TSHZ3: variants seen among roughly 807,000 people sequenced by gnomAD.
The protein encoded by TSHZ3 is teashirt zinc finger homeobox 3, also known as teashirt homolog 3.
A neutral mutation model predicts 64.5 loss-of-function variants in TSHZ3; 10 were observed. The ratio of observed to expected loss-of-function variants is 0.16; its 90% confidence interval spans 0.10 to 0.26. The LOEUF (loss-of-function observed/expected upper bound fraction) is 0.26, where lower values mean the gene tolerates loss of function less well. Among genes scored for constraint, TSHZ3 ranks in the 10% least tolerant of loss-of-function variants. The probability of loss-of-function intolerance (pLI) is 1.00; values close to 1 mark genes in which losing one functional copy is unlikely to be tolerated. For synonymous variants in TSHZ3, 608 were observed against 593.1 expected, an observed-to-expected ratio of 1.03 and a Z score of -0.36; for missense variants, 1,242 against 1,421.7, an observed-to-expected ratio of 0.87 and a Z score of 2.03.
intron 1 of TSHZ3, among the ~76,000 whole-genome samples, chr19:31,319,587 G>A (rs1212119173): frequency 2.0e-5 from 3 of 152,148 alleles, no homozygotes; most frequent in Non-Finnish European, 2.9e-5. Context: ...CTGCAGGACT[G>A]AGAGGCAGGC....
At chr19:31,304,086 T>G (rs912149860) in intron 1 of TSHZ3, among the ~76,000 whole-genome samples, 2 of 152,154 alleles carry the variant, frequency 1.3e-5, no homozygotes, top group Admixed American at 6.5e-5. Context: ...GTGATTGTTT[T>G]GCCTCAGCCT....
intron 1 of TSHZ3, among the ~76,000 whole-genome samples, chr19:31,315,330 C>A (rs1916571448): frequency 6.6e-6 from 1 of 152,246 alleles, no homozygotes; most frequent in Non-Finnish European, 1.5e-5. Flanking sequence ...CAGCCCCGCC[C>A]TGTCCCAAAG....
At position 31,266,447 on chromosome 19, in the gene TSHZ3, C is replaced by T. The variant is rs114482411; in HGVS notation, n.64-23572G>A. On this transcript the variant is annotated intron_variant and non_coding_transcript_variant, in intron 1 of 6. Transcript: ENST00000651361. The stretch of plus-strand genomic sequence containing the variant: ...CCACTTGAAGTCCTTGAATCAGGGG[C>T]GCCACTCCCTGAGGAATCTGAGAAG... Among the ~76,000 whole-genome samples, 960 of 152,090 alleles carry T rather than the reference C, an allele frequency of 6.3e-3. 9 individuals are homozygous for T. Among genetic ancestry groups the T allele is most frequent in the African/African-American group, 0.022 (905 of 41,474 alleles).
At chr19:31,222,707 T>C (rs1975407250) in intron 4 of TSHZ3, among the ~76,000 whole-genome samples, 1 of 152,232 alleles carries the variant, frequency 6.6e-6, no homozygotes, top group Admixed American at 6.5e-5. Context: ...AAATATTTGC[T>C]GAATTGAATG....
At chr19:31,335,427 A>G (rs545517123) in intron 1 of TSHZ3, among the ~76,000 whole-genome samples, 103 of 152,308 alleles carry the variant, frequency 6.8e-4, no homozygotes, top group African/African-American at 2.4e-3. Flanking sequence ...ATCCACCTGA[A>G]GCTCTCAAGC....
At chr19:31,183,992 A>T (rs1191547278) in intron 5 of TSHZ3, among the ~76,000 whole-genome samples, 5 of 152,172 alleles carry the variant, frequency 3.3e-5, no homozygotes, top group Non-Finnish European at 7.3e-5. Context: ...ATAATGATAA[A>T]GTCTCATAAA....
intron 1 of TSHZ3, among the ~76,000 whole-genome samples, chr19:31,298,841 C>T (rs1380151411): frequency 2.0e-5 from 3 of 152,108 alleles, no homozygotes; most frequent in African/African-American, 4.8e-5. Context: ...CCAGAATACA[C>T]GTTTAAAATG....
intron 4 of TSHZ3, among the ~76,000 whole-genome samples, chr19:31,226,998 A>ATTTTTTTTTTTTT (rs1975474786): frequency 5.4e-5 from 1 of 18,400 alleles, no homozygotes; most frequent in Non-Finnish European, 1.1e-4. Context: ...TTTTTTTTTG[A>ATTTTTTTTTTTTT]GATGGAATTT....
intron 4 of TSHZ3, among the ~76,000 whole-genome samples, chr19:31,218,878 C>T (rs1975365724): frequency 6.6e-6 from 1 of 152,128 alleles, no homozygotes; most frequent in African/African-American, 2.4e-5. Context: ...AGTGTCATGG[C>T]CCATTGGGAA....
At chr19:31,286,787 G>T (rs1361190369) in intron 1 of TSHZ3, among the ~76,000 whole-genome samples, 2 of 152,160 alleles carry the variant, frequency 1.3e-5, no homozygotes. Context: ...CTTCCAGGAG[G>T]GTCCAGCATC....
intron 5 of TSHZ3, among the ~76,000 whole-genome samples, chr19:31,195,114 A>G (rs1181653347): frequency 1.3e-5 from 2 of 152,156 alleles, no homozygotes; most frequent in African/African-American, 4.8e-5. Flanking sequence ...TATAAAAGGT[A>G]TAACATACAC....
intron 3 of TSHZ3, among the ~76,000 whole-genome samples, chr19:31,241,599 C>T (rs1343314533): frequency 1.3e-5 from 2 of 152,202 alleles, no homozygotes; most frequent in Non-Finnish European, 2.9e-5. Context: ...ACCACCTACA[C>T]ACCTCCCTTT....
chr19:31,345,373 C>T (rs1181132209), intron 1 of TSHZ3, among the ~76,000 whole-genome samples: 1 of 152,190 alleles, frequency 6.6e-6, no homozygotes, highest in Non-Finnish European at 1.5e-5. Flanking sequence ...AAAGCTCCTT[C>T]CTGGAGCTGC....
chr19:31,211,268 A>T (rs1479959481), intron 4 of TSHZ3, among the ~76,000 whole-genome samples: 3 of 152,194 alleles, frequency 2.0e-5, no homozygotes, highest in Non-Finnish European at 4.4e-5. Flanking sequence ...TCTCAGATTC[A>T]TTCAACATGC....
rs970747934 is a variant in TSHZ3 at position 31,319,894 on chromosome 19, G to GT, written c.40+29285dup. The stretch of plus-strand genomic sequence containing the variant: ...CTTAAGATGCAGCCCCCCTGAGAAA[G>GT]TAGCAATCGGCCCTTCCTTCCTAAT... On this transcript the variant is annotated intron_variant, in intron 1 of 1. Transcript: ENST00000240587. Among the ~76,000 whole-genome samples the GT allele has an allele frequency of 3.4e-3, 510 of 151,236 alleles. 2 individuals carry two copies. The highest frequency in any genetic ancestry group is 0.012 in the African/African-American group (480 of 41,162).
intron 1 of TSHZ3, among the ~76,000 whole-genome samples, chr19:31,327,242 C>G (rs1916957601): frequency 6.6e-6 from 1 of 152,230 alleles, no homozygotes; most frequent in African/African-American, 2.4e-5. Flanking sequence ...AGACCTGTAG[C>G]TCGAGGTTCT....
intron 5 of TSHZ3, among the ~76,000 whole-genome samples, chr19:31,201,936 G>A (rs918664502): frequency 6.6e-6 from 1 of 152,206 alleles, no homozygotes; most frequent in Non-Finnish European, 1.5e-5. Context: ...GGAGGCCCAG[G>A]TGGGTGGATC....
intron 1 of TSHZ3, among the ~76,000 whole-genome samples, chr19:31,333,453 A>G (rs961842797): frequency 1.3e-5 from 2 of 152,258 alleles, no homozygotes; most frequent in African/African-American, 2.4e-5. Context: ...GGGGACCTGG[A>G]TCGGCCCTTT....
intron 1 of TSHZ3, among the ~76,000 whole-genome samples, chr19:31,258,013 C>T (rs1012537854): frequency 1.3e-5 from 2 of 152,118 alleles, no homozygotes; most frequent in Admixed American, 1.3e-4. Context: ...AAGGATGGCA[C>T]CCAGTTAAGG....
Sources: allele counts gnomAD v4.1 joint callset (sites outside exome capture counted in the v4.1 genomes callset), GRCh38; gene constraint gnomAD v4.1.1; transcripts MANE v1.5; gene names NCBI Gene and HGNC (gene_info 2026-07-23, HGNC 2026-07-21).